Variants in C1QTNF3 observed in about 807,000 individuals in gnomAD.
C1QTNF3 encodes complement C1q tumor necrosis factor-related protein 3.
A neutral mutation model predicts 32.6 loss-of-function variants in C1QTNF3; 26 were observed. The observed-to-expected ratio is 0.80, with a 90% CI of 0.58 to 1.11. The LOEUF is 1.11. Ranked by LOEUF, C1QTNF3 falls within the 50% of genes least tolerant of loss-of-function variation. The probability of loss-of-function intolerance (pLI) is 0.00; values close to 1 mark genes in which losing one functional copy is unlikely to be tolerated. For synonymous variants in C1QTNF3, 155 were observed against 146.0 expected, an observed-to-expected ratio of 1.06 and a Z score of -0.44; for missense variants, 362 against 398.2, an observed-to-expected ratio of 0.91 and a Z score of 0.77.
the C1QTNF3 span, chr5:34,175,345 A>C: frequency 1.9e-5 from 3 of 160,080 alleles, no homozygotes; most frequent in Non-Finnish European, 2.7e-5. Context: ...ATGCGGTCTG[A>C]AGACTTTTAA....
chr5:34,072,801 G>A, the C1QTNF3 span, among the ~76,000 whole-genome samples: 1 of 151,990 alleles, frequency 6.6e-6, no homozygotes. Flanking sequence ...TCTTTATTAC[G>A]TTTCTCAACC....
the C1QTNF3 span, among the ~76,000 whole-genome samples, chr5:34,184,614 T>C: frequency 6.6e-6 from 1 of 152,270 alleles, no homozygotes; most frequent in Non-Finnish European, 1.5e-5. Context: ...CTCAGGATGC[T>C]GAGGCAGGAG....
chr5:34,034,339 G>A (rs1359227182), intron 2 of C1QTNF3, among the ~76,000 whole-genome samples: 1 of 152,146 alleles, frequency 6.6e-6, no homozygotes, highest in East Asian at 1.9e-4. Flanking sequence ...ATGTCATTCT[G>A]TATATTTTTC....
the C1QTNF3 span, among the ~76,000 whole-genome samples, chr5:34,213,862 A>AGT: frequency 9.8e-6 from 1 of 102,550 alleles, no homozygotes; most frequent in African/African-American, 3.8e-5. Flanking sequence ...CCCAGGCTGG[A>AGT]GTGCAATGGC....
the C1QTNF3 span, among the ~76,000 whole-genome samples, chr5:34,066,144 C>T: frequency 3.3e-5 from 5 of 152,200 alleles, no homozygotes; most frequent in South Asian, 4.1e-4. Context: ...GCACACTTGT[C>T]CAACTCCTGT....
the C1QTNF3 span, among the ~76,000 whole-genome samples, chr5:34,087,785 T>C: frequency 6.6e-6 from 1 of 152,250 alleles, no homozygotes; most frequent in South Asian, 2.1e-4. Context: ...TGTTTTCTCA[T>C]TTTGCCCAAG....
At chr5:34,139,891 T>C in the C1QTNF3 span, among the ~76,000 whole-genome samples, 7 of 152,284 alleles carry the variant, frequency 4.6e-5, no homozygotes, top group Admixed American at 1.3e-4. Flanking sequence ...AATGAGCAAA[T>C]CACGTAGGTG....
the C1QTNF3 span, chr5:34,124,034 T>C: frequency 3.2e-4 from 50 of 158,576 alleles, no homozygotes; most frequent in African/African-American, 9.6e-4. Context: ...TCATACCACA[T>C]TGCTAAAGGT....
chr5:34,116,883 C>T, the C1QTNF3 span, among the ~76,000 whole-genome samples: 8 of 152,234 alleles, frequency 5.3e-5, no homozygotes, highest in Non-Finnish European at 1.2e-4. Flanking sequence ...GCATGAACCA[C>T]TGTGCCCGGC....
chr5:34,123,254 G>A, the C1QTNF3 span, among the ~76,000 whole-genome samples: 1 of 152,118 alleles, frequency 6.6e-6, no homozygotes, highest in African/African-American at 2.4e-5. Flanking sequence ...CCAGATTTCA[G>A]CACTGGAGAG....
the C1QTNF3 span, among the ~76,000 whole-genome samples, chr5:34,195,815 G>C: frequency 1.3e-5 from 2 of 151,500 alleles, no homozygotes; most frequent in Non-Finnish European, 2.9e-5. Context: ...ACTCCAGCCT[G>C]GGTGACAGAG....
chr5:34,225,974 C>T, the C1QTNF3 span, among the ~76,000 whole-genome samples: 1 of 151,714 alleles, frequency 6.6e-6, no homozygotes, highest in East Asian at 1.9e-4. Flanking sequence ...TTGAGAAAAA[C>T]ATTATACCAA....
the C1QTNF3 span, among the ~76,000 whole-genome samples, chr5:34,154,403 T>A: frequency 1.3e-5 from 2 of 152,196 alleles, no homozygotes; most frequent in African/African-American, 4.8e-5. Flanking sequence ...ACCCATTTAT[T>A]TCTTGCTGTT....
the C1QTNF3 span, among the ~76,000 whole-genome samples, chr5:34,053,641 A>T: frequency 6.6e-6 from 1 of 152,238 alleles, no homozygotes; most frequent in Non-Finnish European, 1.5e-5. Flanking sequence ...GATGAGCAAT[A>T]ACAGTACAAC....
the C1QTNF3 span, among the ~76,000 whole-genome samples, chr5:34,160,475 A>T: frequency 6.6e-6 from 1 of 152,156 alleles, no homozygotes; most frequent in Non-Finnish European, 1.5e-5. Flanking sequence ...AGGATGTTTG[A>T]TCAGCATCTA....
the C1QTNF3 span, among the ~76,000 whole-genome samples, chr5:34,171,843 T>C: frequency 6.6e-6 from 1 of 152,214 alleles, no homozygotes; most frequent in South Asian, 2.1e-4. Context: ...TTCACAATAG[T>C]GCCAGTAATA....
chr5:34,139,705 T>G, the C1QTNF3 span, among the ~76,000 whole-genome samples: 3 of 152,172 alleles, frequency 2.0e-5, no homozygotes, highest in Non-Finnish European at 2.9e-5. Flanking sequence ...TACAATAAAC[T>G]GACCTAGAAT....
chr5:34,207,827 A>G, the C1QTNF3 span, among the ~76,000 whole-genome samples: 3 of 151,366 alleles, frequency 2.0e-5, no homozygotes, highest in South Asian at 2.1e-4. Flanking sequence ...TCACTCAGTC[A>G]CCCAGGCTGG....
chr5:34,071,357 T>C, the C1QTNF3 span, among the ~76,000 whole-genome samples: 1 of 152,220 alleles, frequency 6.6e-6, no homozygotes. Context: ...ACGTATATAC[T>C]AGAAATATTT....
Sources: allele counts gnomAD v4.1 joint callset (sites outside exome capture counted in the v4.1 genomes callset), GRCh38; gene constraint gnomAD v4.1.1; transcripts MANE v1.5; gene names NCBI Gene and HGNC (gene_info 2026-07-23, HGNC 2026-07-21).